Variants in MRPL19 observed in about 807,000 individuals in gnomAD.
The protein encoded by MRPL19 is large ribosomal subunit protein bL19m.
A neutral mutation model predicts 34.0 loss-of-function variants in MRPL19; 31 were observed. The ratio of observed to expected loss-of-function variants is 0.91; its 90% CI spans 0.68 to 1.23. The LOEUF is 1.23. MRPL19 is among the 50% of genes most tolerant of loss of function. The pLI is 0.00. For missense variants in MRPL19, 384 were observed against 367.6 expected (o/e 1.04, Z -0.37); for synonymous variants, 152 against 127.7 (o/e 1.19, Z -1.28).
intron 4 of MRPL19, among the ~76,000 whole-genome samples, chr2:75,653,327 G>T (rs139742053): frequency 6.6e-6 from 1 of 152,204 alleles, no homozygotes. Context: ...TGGGCTGTGC[G>T]TGCAGGAATT....
chr2:75,654,492 G>A (rs572006870), intron 4 of MRPL19, among the ~76,000 whole-genome samples: 1 of 152,246 alleles, frequency 6.6e-6, no homozygotes, highest in South Asian at 2.1e-4. Context: ...CATATTTCTA[G>A]AAGCCATTTT....
chr2:75,647,007 T>A, intron 1 of MRPL19, 95 bp from the exon 2 acceptor site: 1 of 1,480,344 alleles, frequency 6.8e-7, no homozygotes. Flanking sequence ...CCAGCGTTGG[T>A]CCCCCGTGGG....
rs1048935387 is a variant in MRPL19 at position 75,660,789 on chromosome 2, G to T, written c.*5504G>T. 2 of 152,192 alleles carry T rather than the reference G, an allele frequency of 1.3e-5. No individual in the cohort carries two copies. Among genetic ancestry groups the T allele is most frequent in the African/African-American group, 4.8e-5 (2 of 41,430 alleles). The allele number at this position is 152,192 out of a possible 1,614,324, so 9.4% of individuals were successfully genotyped here. A position where few individuals can be genotyped will look rare whatever the true frequency, so the allele number is the denominator to read the frequency against. ...CTAACAATCAGGCCCAAAAGCGTAG[G>T]GTCTTTGCAGATCTTGTCTGAGCAT... On this transcript the variant is annotated 3_prime_UTR_variant, in exon 6 of 6. Transcript: ENST00000393909.
intron 2 of MRPL19, chr2:75,647,460 A>C: frequency 6.3e-6 from 3 of 476,320 alleles, no homozygotes; most frequent in South Asian, 3.2e-5. Flanking sequence ...CATATTTTAA[A>C]CTCTTTTCTC....
In MRPL19 at chr2:75,655,156, T is replaced by G; in HGVS notation, c.750T>G (p.Thr250=). ...GAATCAGATTTGATCTTTGTTTAAC[T>G]GAACAGCAAATGAAAGAAGCTCAGA... ...IKGIRFDLCL[T]EQQMKEAQKW... is the part of the protein sequence containing the mutation. The change falls in exon 6 of 6, where the codon ACT becomes ACG. Residue 250 remains threonine, a synonymous_variant. Coordinates refer to ENST00000393909, the MANE Select transcript of MRPL19 (RefSeq NM_014763.4). The G allele has an allele frequency of 6.2e-7, 1 of 1,613,028 alleles. No homozygotes were observed.
At chr2:75,648,993 T>C (rs1678276409) in intron 2 of MRPL19, among the ~76,000 whole-genome samples, 1 of 152,240 alleles carries the variant, frequency 6.6e-6, no homozygotes, top group African/African-American at 2.4e-5. Flanking sequence ...AACCTAACTT[T>C]ACCAGTATTG....
Position 75,656,218 on chromosome 2 carries a change from T to G in MRPL19, c.*933T>G, listed in dbSNP as rs1361562419. Reference sequence around the variant, plus strand: ...AACAATACCTTTGGTATGATATGAGTGTTGTTGCTGATCCATGCAGCATGG... The same window carrying G: ...AACAATACCTTTGGTATGATATGAGGGTTGTTGCTGATCCATGCAGCATGG... On this transcript the variant is annotated 3_prime_UTR_variant, in exon 6 of 6. Transcript: ENST00000393909. 1 of 152,122 alleles carries G rather than the reference T, an allele frequency of 6.6e-6. No individual in the cohort carries two copies. The highest frequency in any genetic ancestry group is 1.9e-4 in the East Asian group (1 of 5,198). The allele number at this position is 152,122 out of a possible 1,614,324, so 9.4% of individuals were successfully genotyped here.
chr2:75,647,288 G>T, intron 2 of MRPL19, 69 bp downstream of exon 2: 4 of 1,456,486 alleles, frequency 2.7e-6, no homozygotes, highest in Non-Finnish European at 3.7e-6. Context: ...TCGCGTTCGA[G>T]GTCCCGGCTC....
chr2:75,655,076 A>G lies in MRPL19; in HGVS notation c.670A>G (p.Met224Val), dbSNP rs1188519881. 6.4e-7 allele frequency: 1 copy of G among 1,558,496 alleles called. No homozygotes were observed. The highest frequency in any genetic ancestry group is 8.6e-7 in the Non-Finnish European group (1 of 1,157,188). Reference protein sequence around the residue: ...KVPVNELKVKMKPKPWSKRWE... With the variant: ...KVPVNELKVKVKPKPWSKRWE... ...TAATCTTCCTTAGCTGAAAGTAAAA[A>G]TGAAGCCTAAGCCCTGGTCTAAACG... Residue 224 changes from methionine (M) to valine (V), a missense_variant, in exon 6 of 6, where the codon ATG (methionine) becomes GTG (valine). By Grantham distance (21) the Met-to-Val change is conservative. Transcript: ENST00000393909.
At chr2:75,646,981 G>T in intron 1 of MRPL19, 71 bp downstream of exon 1, 2 of 1,487,790 alleles carry the variant, frequency 1.3e-6, no homozygotes, top group Middle Eastern at 3.6e-4. Flanking sequence ...GGCGAACCTG[G>T]AGATCAGAGG....
At chr2:75,648,837 C>G (rs1397553130) in intron 2 of MRPL19, among the ~76,000 whole-genome samples, 1 of 152,162 alleles carries the variant, frequency 6.6e-6, no homozygotes, top group Non-Finnish European at 1.5e-5. Flanking sequence ...CCACTGCACT[C>G]CAGCCTGGGC....
At position 75,655,121 on chromosome 2, in the gene MRPL19, A is replaced by C; in HGVS notation, c.715A>C (p.Asn239His). The change falls in exon 6 of 6, where the codon AAT (asparagine) becomes CAT (histidine). Residue 239 changes from asparagine to histidine, a missense_variant. Asn to His is a moderately conservative substitution (Grantham distance 68). Transcript: ENST00000393909. The part of the protein sequence containing the change: ...WSKRWERPNF[N>H]IKGIRFDLCL... ...TAAACGCTGGGAACGTCCAAATTTTAATATTAAAGGAATCAGATTTGATCT... is the reference window on the plus strand; with the variant it reads ...TAAACGCTGGGAACGTCCAAATTTTCATATTAAAGGAATCAGATTTGATCT... 1 of 1,611,892 alleles carries C rather than the reference A, an allele frequency of 6.2e-7. No individual in the cohort carries two copies. The highest frequency in any genetic ancestry group is 8.5e-7 in the Non-Finnish European group (1 of 1,179,488).
rs1047868807 is a variant in MRPL19 at position 75,659,546 on chromosome 2, G to T, written c.*4261G>T. Among the ~76,000 whole-genome samples the T allele has an allele frequency of 1.3e-5, 2 of 152,034 alleles. No individual in the cohort carries two copies. The highest frequency in any genetic ancestry group is 1.3e-4 in the Admixed American group (2 of 15,258). On this transcript the variant is annotated 3_prime_UTR_variant, in exon 6 of 6. Transcript: ENST00000393909. ...CAAAGGATTCCCTTATGCATTTCTT[G>T]CAGGGCAAGTCTAATTGTAATAAAC...
chr2:75,654,156 C>A (rs977589860), intron 4 of MRPL19, among the ~76,000 whole-genome samples: 7 of 152,088 alleles, frequency 4.6e-5, no homozygotes, highest in Admixed American at 3.9e-4. Flanking sequence ...TTTGGTGAGG[C>A]CTCCTTCCCT....
Position 75,655,051 on chromosome 2 carries a change from T to TA in MRPL19, c.658-11dup, listed in dbSNP as rs397820467. ...ATTGCTTTTTTTTTTTTTTTTTTTT[T>TA]AATCTTCCTTAGCTGAAAGTAAAAA... On this transcript the variant is annotated splice_polypyrimidine_tract_variant and intron_variant, in intron 5 of 5. Transcript: ENST00000393909. 1.1e-5 allele frequency: 14 copies of TA among 1,304,404 alleles called. No individual in the cohort carries two copies. Among genetic ancestry groups the TA allele is most frequent in the Non-Finnish European group, 1.5e-5 (14 of 958,000 alleles). The allele number at this position is 1,304,404 out of a possible 1,614,324, so 80.8% of individuals were successfully genotyped here. A position where few individuals can be genotyped will look rare whatever the true frequency, so the allele number is the denominator to read the frequency against.
In MRPL19 at chr2:75,661,615, G is replaced by C. The variant is rs1428252348; in HGVS notation, c.*6330G>C. 6.6e-6 allele frequency: 1 copy of C among 152,168 alleles called. No individual in the cohort carries two copies. The highest frequency in any genetic ancestry group is 1.9e-4 in the East Asian group (1 of 5,192). 9.4% of individuals were successfully genotyped at this position (152,168 alleles called of 1,614,324 possible). A position where few individuals can be genotyped will look rare whatever the true frequency, so the allele number is the denominator to read the frequency against. ...TTAGTTTATCCTATTCGAAGGATTA[G>C]AAAAATGATATATCTTTCACTTTTT... is the stretch of plus-strand genomic sequence containing the variant. On this transcript the variant is annotated 3_prime_UTR_variant, in exon 6 of 6. Transcript: ENST00000393909.
At chr2:75,653,538 A>G (rs528584638) in intron 4 of MRPL19, among the ~76,000 whole-genome samples, 1 of 152,336 alleles carries the variant, frequency 6.6e-6, no homozygotes, top group Non-Finnish European at 1.5e-5. Flanking sequence ...CTCAAAAAGG[A>G]TTAGCTCCCT....
chr2:75,656,260 A>G lies in MRPL19; in HGVS notation c.*975A>G, dbSNP rs2104138720. The G allele has an allele frequency of 6.6e-6, 1 of 152,328 alleles. No homozygotes were observed. Among genetic ancestry groups the G allele is most frequent in the African/African-American group, 2.4e-5 (1 of 41,580 alleles). The allele number at this position is 152,328 out of a possible 1,614,324, so 9.4% of individuals were successfully genotyped here. A position where few individuals can be genotyped will look rare whatever the true frequency, so the allele number is the denominator to read the frequency against. On this transcript the variant is annotated 3_prime_UTR_variant, in exon 6 of 6. Coordinates refer to ENST00000393909, the MANE Select transcript of MRPL19 (RefSeq NM_014763.4). ...GCAGCATGGATTGGAAAGCTGGGGT[A>G]TAAGCACACATGCTAAAGAAAAACA...
At chr2:75,649,843 G>C (rs1678295973) in intron 2 of MRPL19, among the ~76,000 whole-genome samples, 1 of 152,032 alleles carries the variant, frequency 6.6e-6, no homozygotes, top group Admixed American at 6.5e-5. Flanking sequence ...ATGTTGCCTA[G>C]GCTGGTCTGG....
Sources: allele counts gnomAD v4.1 joint callset (sites outside exome capture counted in the v4.1 genomes callset), GRCh38; gene constraint gnomAD v4.1.1; transcripts MANE v1.5; gene names NCBI Gene and HGNC (gene_info 2026-07-23, HGNC 2026-07-21).